The following NID2 variants were observed in gnomAD, a reference collection of about 807,000 sequenced individuals.
NID2 encodes nidogen 2.
NID2 carries 83 observed loss-of-function variants against 145.4 expected under a neutral mutation model. That is an observed-to-expected ratio of 0.57 (90% CI 0.48 to 0.69). The LOEUF is 0.69. Among genes scored for constraint, NID2 ranks in the 30% least tolerant of loss-of-function variants. The probability of loss-of-function intolerance (pLI) is 0.00; values close to 1 mark genes in which losing one functional copy is unlikely to be tolerated. For synonymous variants in NID2, 739 were observed against 701.3 expected, an observed-to-expected ratio of 1.05 and a Z score of -0.85; for missense variants, 1,807 against 1,765.7, an observed-to-expected ratio of 1.02 and a Z score of -0.42.
chr14:52,025,471 GT>G (rs1256818963), intron 12 of NID2, among the ~76,000 whole-genome samples: 3 of 152,134 alleles, frequency 2.0e-5, no homozygotes, highest in Non-Finnish European at 4.4e-5. Context: ...CCAACTGAGG[GT>G]TACCATCTGT....
Position 52,060,235 on chromosome 14 carries a change from A to C in NID2, c.656T>G (p.Leu219Arg). The C allele has an allele frequency of 6.2e-7, 1 of 1,614,094 alleles. No homozygotes were observed. Among genetic ancestry groups the C allele is most frequent in the Non-Finnish European group, 8.5e-7 (1 of 1,180,006 alleles). The change falls in exon 3 of 22, where the codon CTT becomes CGT. Residue 219 changes from leucine to arginine, a missense_variant. Coordinates refer to ENST00000216286, the MANE Select transcript of NID2 (RefSeq NM_007361.4). ...GAAGCCCACCCGAGCTGGAAGCTGA[A>C]GCTGGACATTGTAAGACTCTTTGGG... ...TRPKESYNVQ[L>R]QLPARVGFCR...
In NID2 at chr14:52,005,366, T is replaced by C. The variant is rs1441215101; in HGVS notation, c.*120A>G. ...TTTTTGCACTACAAAATGTTCATCT[T>C]GGATGCTCAGGAACGTCTAATGGCC... On this transcript the variant is annotated 3_prime_UTR_variant, in exon 22 of 22. Transcript: ENST00000216286. The C allele has an allele frequency of 1.1e-6, 1 of 914,354 alleles. No homozygotes were observed. Among genetic ancestry groups the C allele is most frequent in the Non-Finnish European group, 1.6e-6 (1 of 640,392 alleles). 56.6% of individuals were successfully genotyped at this position (914,354 alleles called of 1,614,324 possible).
chr14:52,064,200 T>C (rs1384318566), intron 2 of NID2, among the ~76,000 whole-genome samples: 1 of 152,252 alleles, frequency 6.6e-6, no homozygotes, highest in Non-Finnish European at 1.5e-5. Context: ...CAAGTCAACA[T>C]GTCTCAGTCT....
chr14:52,053,121 G>A (rs753436), intron 5 of NID2, among the ~76,000 whole-genome samples: 98,881 of 151,976 alleles, frequency 0.65, 33,414 homozygotes, highest in Non-Finnish European at 0.76. Flanking sequence ...CCCAACCAAG[G>A]GAAGCGCTAG....
At chr14:52,022,600 G>A (rs28508079) in intron 12 of NID2, among the ~76,000 whole-genome samples, 3,841 of 152,266 alleles carry the variant, frequency 0.025, 179 homozygotes, top group African/African-American at 0.085. Flanking sequence ...AGACAAAAAC[G>A]TTCAAGAAGT....
intron 11 of NID2, chr14:52,028,498 A>G: frequency 2.6e-6 from 1 of 384,266 alleles, no homozygotes; most frequent in Non-Finnish European, 4.6e-6. Flanking sequence ...CTGGTCTCGA[A>G]CTTCTGAACT....
intron 9 of NID2, among the ~76,000 whole-genome samples, chr14:52,033,463 G>T (rs570132838): frequency 1.3e-4 from 19 of 145,448 alleles, no homozygotes; most frequent in South Asian, 8.6e-4. Flanking sequence ...AACAACTGGT[G>T]GGGGGTGGCA....
chr14:52,060,916 G>T (rs528206585), intron 2 of NID2, among the ~76,000 whole-genome samples: 1 of 152,042 alleles, frequency 6.6e-6, no homozygotes, highest in Non-Finnish European at 1.5e-5. Context: ...CCTTTCATAC[G>T]AGCATCAGGG....
At chr14:52,030,873 C>G (rs945591940) in intron 9 of NID2, among the ~76,000 whole-genome samples, 1 of 152,034 alleles carries the variant, frequency 6.6e-6, no homozygotes, top group East Asian at 1.9e-4. Context: ...TTTATTTCTA[C>G]ATAATAGTCA....
At chr14:52,016,678 A>C (rs1891224150) in intron 14 of NID2, among the ~76,000 whole-genome samples, 2 of 152,048 alleles carry the variant, frequency 1.3e-5, no homozygotes, top group South Asian at 4.2e-4. Flanking sequence ...TCCTGCTTCC[A>C]CCCTTCTATG....
At chr14:52,061,041 C>T (rs185191116) in intron 2 of NID2, among the ~76,000 whole-genome samples, 11 of 152,180 alleles carry the variant, frequency 7.2e-5, no homozygotes, top group Admixed American at 7.2e-4. Context: ...CCCTAGGACA[C>T]CCTAACCCCT....
At chr14:52,059,402 A>G (rs748749915) in intron 3 of NID2, among the ~76,000 whole-genome samples, 1 of 152,212 alleles carries the variant, frequency 6.6e-6, no homozygotes, top group Non-Finnish European at 1.5e-5. Context: ...TGGCTTCTAT[A>G]TTCAGGAAAC....
intron 2 of NID2, among the ~76,000 whole-genome samples, chr14:52,067,587 G>T (rs1333622578): frequency 1.3e-5 from 2 of 152,154 alleles, no homozygotes; most frequent in African/African-American, 4.8e-5. Context: ...ATTGCCTTAT[G>T]TTCAAAGGGG....
chr14:52,023,191 G>T (rs1891462832), intron 12 of NID2, among the ~76,000 whole-genome samples: 1 of 152,152 alleles, frequency 6.6e-6, no homozygotes, highest in South Asian at 2.1e-4. Flanking sequence ...GAAGAGAGAA[G>T]CTAGGCCGGG....
chr14:52,042,294 G>C lies in NID2; in HGVS notation c.1636C>G (p.Pro546Ala), dbSNP rs1892313041. 6.2e-7 allele frequency: 1 copy of C among 1,614,066 alleles called. No homozygotes were observed. ...VSGHLHVGHT[P>A]VHFTDVDLHA... ...AGGTCCACATCAGTGAAGTGCACGG[G>C]TGTATGGCCCACGTGGAGGTGGCCA... The change falls in exon 7 of 22, where the codon CCC becomes GCC. Residue 546 changes from proline (P) to alanine (A), a missense_variant. Coordinates refer to ENST00000216286, the MANE Select transcript of NID2 (RefSeq NM_007361.4).
intron 2 of NID2, among the ~76,000 whole-genome samples, chr14:52,060,832 C>G (rs1818584262): frequency 6.6e-6 from 1 of 152,230 alleles, no homozygotes; most frequent in Non-Finnish European, 1.5e-5. Flanking sequence ...TGGGCAGGCA[C>G]TGTGTTAGGC....
At chr14:52,053,290 G>C (rs1398527851) in intron 5 of NID2, among the ~76,000 whole-genome samples, 1 of 152,214 alleles carries the variant, frequency 6.6e-6, no homozygotes, top group East Asian at 1.9e-4. Flanking sequence ...CATTACACTT[G>C]AGAGCGTAGC....
chr14:52,028,063 A>G (rs2140374129), intron 11 of NID2, among the ~76,000 whole-genome samples: 1 of 152,294 alleles, frequency 6.6e-6, no homozygotes, highest in East Asian at 1.9e-4. Context: ...TTATAAATCC[A>G]TCTCTTCTAA....
intron 16 of NID2, among the ~76,000 whole-genome samples, chr14:52,012,546 C>T (rs148472945): frequency 2.3e-3 from 346 of 152,104 alleles, no homozygotes; most frequent in African/African-American, 7.4e-3. Flanking sequence ...TGCACCAAGC[C>T]GAGATGGTGC....
Sources: gnomAD v4.1 joint callset for allele counts (sites outside exome capture counted in the v4.1 genomes callset) on GRCh38, gnomAD v4.1.1 for gene constraint, MANE v1.5 for transcripts, NCBI Gene and HGNC (gene_info 2026-07-23, HGNC 2026-07-21) for gene names.